The following WDR70 variants were observed in gnomAD, a reference collection of about 807,000 sequenced individuals.
WDR70 encodes WD repeat domain 70, also known as WD repeat-containing protein 70.
WDR70 carries 53 observed loss-of-function variants against 88.6 expected under a neutral mutation model. The ratio of observed to expected loss-of-function variants is 0.60; its 90% confidence interval spans 0.48 to 0.75. WDR70 has a LOEUF of 0.75. Among genes scored for constraint, WDR70 ranks in the 30% least tolerant of loss-of-function variants. WDR70 has a pLI of 0.00. For missense variants in WDR70, 610 were observed against 823.2 expected (o/e 0.74, Z 3.17); for synonymous variants, 280 against 270.0 (o/e 1.04, Z -0.36).
At chr5:37,711,769 T>C (rs1361516052) in intron 13 of WDR70, among the ~76,000 whole-genome samples, 1 of 152,176 alleles carries the variant, frequency 6.6e-6, no homozygotes, top group Non-Finnish European at 1.5e-5. Context: ...AAGGGCATCA[T>C]CATATTACTA....
chr5:37,472,048 C>CTTTATCAAA (rs1739342106), intron 7 of WDR70, among the ~76,000 whole-genome samples: 1 of 151,660 alleles, frequency 6.6e-6, no homozygotes, highest in African/African-American at 2.4e-5. Context: ...TAATGATACC[C>CTTTATCAAA]TTTATCAAAT....
At chr5:37,523,008 G>A (rs532417127) in intron 9 of WDR70, among the ~76,000 whole-genome samples, 33 of 152,298 alleles carry the variant, frequency 2.2e-4, no homozygotes, top group African/African-American at 7.2e-4. Context: ...GGAGCCCACC[G>A]CAGCTCAAGG....
At chr5:37,736,701 G>T (rs1212040522) in intron 17 of WDR70, among the ~76,000 whole-genome samples, 1 of 151,578 alleles carries the variant, frequency 6.6e-6, no homozygotes, top group African/African-American at 2.4e-5. Context: ...ACTCAAGGGG[G>T]CTTTGTGGGA....
At chr5:37,504,272 TC>T (rs1425251229) in intron 8 of WDR70, among the ~76,000 whole-genome samples, 4 of 152,296 alleles carry the variant, frequency 2.6e-5, no homozygotes, top group African/African-American at 9.6e-5. Context: ...TTTGGGGCTT[TC>T]CCTTGTGTTT....
intron 9 of WDR70, among the ~76,000 whole-genome samples, chr5:37,589,281 C>CAA (rs1262293038): frequency 4.7e-5 from 7 of 149,296 alleles, no homozygotes; most frequent in African/African-American, 1.8e-4. Context: ...CACACACACA[C>CAA]ACACACGATA....
rs557589355 is a variant in WDR70, at chr5:37,475,148, G to T, written c.687-4686G>T. Among the ~76,000 whole-genome samples, 4 of 151,052 alleles carry T rather than the reference G, an allele frequency of 2.6e-5. No individual in the cohort carries two copies. The East Asian group carries it at 7.9e-4, about 30-fold the overall frequency. On this transcript the variant is annotated intron_variant, in intron 7 of 17. Coordinates refer to ENST00000265107, the MANE Select transcript of WDR70 (RefSeq NM_018034.4). Reference sequence around the variant, plus strand: ...TTGGCCAGGCTGGTCTTGAACTCCTGGCCTCAAGTGATCCACCTGCCTTGG... The same window carrying T: ...TTGGCCAGGCTGGTCTTGAACTCCTTGCCTCAAGTGATCCACCTGCCTTGG...
At chr5:37,534,973 A>G (rs1016296922) in intron 9 of WDR70, among the ~76,000 whole-genome samples, 1 of 152,204 alleles carries the variant, frequency 6.6e-6, no homozygotes, top group African/African-American at 2.4e-5. Flanking sequence ...GCTGTGGAAT[A>G]TCAACCCAGT....
intron 5 of WDR70, among the ~76,000 whole-genome samples, chr5:37,424,447 C>G (rs1180740214): frequency 6.6e-6 from 1 of 151,360 alleles, no homozygotes; most frequent in Non-Finnish European, 1.5e-5. Flanking sequence ...CTCTGTTGCC[C>G]AGGCTGGAGT....
At chr5:37,749,593 G>A (rs1343010608) in intron 17 of WDR70, among the ~76,000 whole-genome samples, 1 of 151,828 alleles carries the variant, frequency 6.6e-6, no homozygotes, top group Non-Finnish European at 1.5e-5. Flanking sequence ...CGTATAATGT[G>A]GCCATTTTGC....
chr5:37,393,187 G>A (rs1176856853), intron 4 of WDR70, among the ~76,000 whole-genome samples: 1 of 151,796 alleles, frequency 6.6e-6, no homozygotes, highest in Non-Finnish European at 1.5e-5. Context: ...GGTTACAGGT[G>A]CCCACCACCA....
intron 10 of WDR70, among the ~76,000 whole-genome samples, chr5:37,691,167 A>G (rs1050368637): frequency 6.6e-6 from 1 of 152,240 alleles, no homozygotes; most frequent in East Asian, 1.9e-4. Context: ...AGAAGAGCTA[A>G]CTATCCTAAA....
rs1744504245 is a variant in WDR70, at chr5:37,621,497, C to T, written c.1092+16259C>T. Among the ~76,000 whole-genome samples the T allele has an allele frequency of 1.3e-5, 2 of 152,284 alleles. 1 individual carries two copies. Among genetic ancestry groups the T allele is most frequent in the African/African-American group, 4.8e-5 (2 of 41,560 alleles). ...CTCCCATTTATAAAAGACACATTCT[C>T]ATGTGTCATTTGGCTGCATAAATGT... On this transcript the variant is annotated intron_variant, in intron 10 of 17. Transcript: ENST00000265107.
chr5:37,752,622 G>A lies in WDR70; in HGVS notation c.*49G>A. The A allele has an allele frequency of 7.3e-7, 1 of 1,366,232 alleles. No individual in the cohort carries two copies. The allele number at this position is 1,366,232 out of a possible 1,614,324, so 84.6% of individuals were successfully genotyped here. A position where few individuals can be genotyped will look rare whatever the true frequency, so the allele number is the denominator to read the frequency against. On this transcript the variant is annotated 3_prime_UTR_variant, in exon 18 of 18. Transcript: ENST00000265107. ...GCATGAGTGGGAGGGGTATGGGACA[G>A]GTTTGGGTTTTTTTTTTATGCTCAT...
At chr5:37,724,733 G>C (rs1747920978) in intron 15 of WDR70, 1 of 564,164 alleles carries the variant, frequency 1.8e-6, no homozygotes, top group Non-Finnish European at 3.2e-6. Context: ...CCTGAGTGCT[G>C]TTAGCTGCCA....
chr5:37,732,176 C>G (rs948564453), intron 17 of WDR70, among the ~76,000 whole-genome samples: 2 of 152,018 alleles, frequency 1.3e-5, no homozygotes, highest in African/African-American at 4.8e-5. Flanking sequence ...CTTAGAGATA[C>G]CAACTGCCTC....
chr5:37,392,578 A>T (rs1748870447), intron 4 of WDR70, among the ~76,000 whole-genome samples: 1 of 152,126 alleles, frequency 6.6e-6, no homozygotes, highest in African/African-American at 2.4e-5. Flanking sequence ...CAAACTCCTG[A>T]CATGATCTGT....
At chr5:37,636,012 C>T (rs1744954064) in intron 10 of WDR70, among the ~76,000 whole-genome samples, 1 of 152,162 alleles carries the variant, frequency 6.6e-6, no homozygotes, top group African/African-American at 2.4e-5. Context: ...TTGTAAATTT[C>T]CTGAGGCCTC....
chr5:37,595,101 C>T (rs962661366), intron 9 of WDR70, among the ~76,000 whole-genome samples: 10 of 152,296 alleles, frequency 6.6e-5, no homozygotes, highest in Admixed American at 5.2e-4. Context: ...GACAATTTGA[C>T]TTCCTCTTTT....
intron 17 of WDR70, among the ~76,000 whole-genome samples, chr5:37,747,127 A>G (rs1487617525): frequency 6.6e-6 from 1 of 152,230 alleles, no homozygotes; most frequent in Non-Finnish European, 1.5e-5. Flanking sequence ...TACGTAAATC[A>G]ATAAACATAA....
Sources: gnomAD v4.1 joint callset for allele counts (sites outside exome capture counted in the v4.1 genomes callset) on GRCh38, gnomAD v4.1.1 for gene constraint, MANE v1.5 for transcripts, NCBI Gene and HGNC (gene_info 2026-07-23, HGNC 2026-07-21) for gene names.